ADAMTSL1: variants seen among roughly 807,000 people sequenced by gnomAD.
ADAMTSL1 encodes the protein ADAMTS like 1.
In ADAMTSL1, 126 loss-of-function variants were observed where a neutral mutation model predicts 201.8. That is an observed-to-expected ratio of 0.62 (90% CI 0.54 to 0.72). The LOEUF is 0.72. Ranked by LOEUF, ADAMTSL1 falls within the 30% of genes least tolerant of loss-of-function variation. ADAMTSL1 has a pLI of 0.00. For synonymous variants in ADAMTSL1, 1,121 were observed against 903.4 expected (o/e 1.24, Z -4.32); for missense variants, 2,679 against 2,277.8 (o/e 1.18, Z -3.59).
intron 1 of ADAMTSL1, among the ~76,000 whole-genome samples, chr9:18,038,652 G>A (rs1027073188): frequency 6.6e-6 from 1 of 152,192 alleles, no homozygotes; most frequent in Non-Finnish European, 1.5e-5. Context: ...AAGGGAGGGT[G>A]TGCTGGCTTG....
At chr9:18,828,695 A>ATATATAT (rs59734310) in intron 22 of ADAMTSL1, among the ~76,000 whole-genome samples, 11 of 40,232 alleles carry the variant, frequency 2.7e-4, no homozygotes, top group African/African-American at 5.8e-4. Context: ...TATATATATA[A>ATATATAT]AATGTGTGTG....
chr9:18,006,942 A>G (rs1819852463), intron 1 of ADAMTSL1, among the ~76,000 whole-genome samples: 1 of 152,048 alleles, frequency 6.6e-6, no homozygotes, highest in Admixed American at 6.6e-5. Context: ...TTGCTGGAAC[A>G]GGGCATCATC....
intron 1 of ADAMTSL1, among the ~76,000 whole-genome samples, chr9:17,921,842 A>G (rs1421544874): frequency 2.0e-5 from 3 of 152,042 alleles, no homozygotes; most frequent in Non-Finnish European, 4.4e-5. Flanking sequence ...AGCTCTCTCC[A>G]TCCCTATTTT....
At chr9:18,051,435 G>T (rs540312613) in intron 1 of ADAMTSL1, among the ~76,000 whole-genome samples, 18 of 152,232 alleles carry the variant, frequency 1.2e-4, no homozygotes, top group African/African-American at 4.1e-4. Context: ...TGGAATATTT[G>T]TTGGACATTT....
At chr9:18,577,749 C>T (rs1192544468) in intron 4 of ADAMTSL1, among the ~76,000 whole-genome samples, 1 of 152,054 alleles carries the variant, frequency 6.6e-6, no homozygotes, top group Non-Finnish European at 1.5e-5. Context: ...GATTTTATAA[C>T]TGTAACGTTT....
chr9:17,908,086 G>A (rs898316025), intron 1 of ADAMTSL1, among the ~76,000 whole-genome samples: 3 of 152,092 alleles, frequency 2.0e-5, no homozygotes, highest in East Asian at 3.9e-4. Flanking sequence ...GGCTGAGAGA[G>A]GACCGAGAAT....
intron 1 of ADAMTSL1, among the ~76,000 whole-genome samples, chr9:18,060,071 C>T (rs886970827): frequency 3.9e-5 from 6 of 152,112 alleles, no homozygotes; most frequent in African/African-American, 1.4e-4. Flanking sequence ...TTGGAGTTAA[C>T]CACTGTTGTG....
At chr9:18,449,137 T>G (rs1168484776) in intron 2 of ADAMTSL1, among the ~76,000 whole-genome samples, 1 of 151,888 alleles carries the variant, frequency 6.6e-6, no homozygotes, top group African/African-American at 2.4e-5. Context: ...ATAAAAAGCA[T>G]GAGTTGGGGG....
At chr9:18,355,146 C>G (rs1836157857) in intron 2 of ADAMTSL1, among the ~76,000 whole-genome samples, 2 of 152,124 alleles carry the variant, frequency 1.3e-5, no homozygotes, top group South Asian at 4.1e-4. Flanking sequence ...TCCCTGAATC[C>G]TGCTGTTTCA....
At chr9:18,012,966 C>A (rs1383734514) in intron 1 of ADAMTSL1, among the ~76,000 whole-genome samples, 3 of 151,344 alleles carry the variant, frequency 2.0e-5, no homozygotes, top group Non-Finnish European at 4.4e-5. Context: ...TTTGGGCCTC[C>A]TTCTTACCCA....
intron 2 of ADAMTSL1, among the ~76,000 whole-genome samples, chr9:18,466,115 GT>G (rs1820995425): frequency 6.6e-6 from 1 of 152,166 alleles, no homozygotes; most frequent in South Asian, 2.1e-4. Flanking sequence ...TAAGGAAGAA[GT>G]TTTTCCCCTT....
chr9:18,404,430 C>A (rs752943997), intron 2 of ADAMTSL1, among the ~76,000 whole-genome samples: 6 of 152,192 alleles, frequency 3.9e-5, no homozygotes, highest in Non-Finnish European at 8.8e-5. Flanking sequence ...TTACGCATTT[C>A]TTTCTAACTG....
In ADAMTSL1 at chr9:18,711,350, A is replaced by G. The variant is rs563212358; in HGVS notation, c.1876+4302A>G. On this transcript the variant is annotated intron_variant, in intron 14 of 28. Coordinates refer to ENST00000380548, the MANE Select transcript of ADAMTSL1 (RefSeq NM_001040272.6). ...TCTGAGGTACTGGGTTCATCTCACTAGGGAGTGCCAGACAGTGGGCGCAGG... is the reference window on the plus strand; with the variant it reads ...TCTGAGGTACTGGGTTCATCTCACTGGGGAGTGCCAGACAGTGGGCGCAGG... 2.0e-5 allele frequency among the ~76,000 whole-genome samples: 3 copies of G among 152,298 alleles called. No homozygotes were observed. The South Asian group carries it at 6.2e-4, about 32-fold the overall frequency.
intron 2 of ADAMTSL1, among the ~76,000 whole-genome samples, chr9:18,415,679 A>T (rs796869065): frequency 6.6e-6 from 1 of 152,060 alleles, no homozygotes; most frequent in South Asian, 2.1e-4. Flanking sequence ...GAAAAAAAAA[A>T]TCTACATATT....
intron 15 of ADAMTSL1, among the ~76,000 whole-genome samples, chr9:18,748,127 G>A (rs1235830367): frequency 6.6e-6 from 1 of 152,164 alleles, no homozygotes; most frequent in Admixed American, 6.5e-5. Context: ...TTTGACAAAG[G>A]GGACAGAAAC....
At chr9:17,985,261 C>T (rs1022046394) in intron 1 of ADAMTSL1, among the ~76,000 whole-genome samples, 1 of 152,112 alleles carries the variant, frequency 6.6e-6, no homozygotes, top group African/African-American at 2.4e-5. Flanking sequence ...ACCCTATTCA[C>T]CACAGAATCT....
At chr9:18,298,479 A>C (rs972847752) in intron 2 of ADAMTSL1, among the ~76,000 whole-genome samples, 2 of 152,190 alleles carry the variant, frequency 1.3e-5, no homozygotes, top group African/African-American at 4.8e-5. Context: ...CTAGAAACAT[A>C]ATCTCTGGTC....
chr9:18,641,743 A>C (rs1050620377), intron 7 of ADAMTSL1, among the ~76,000 whole-genome samples: 1 of 151,946 alleles, frequency 6.6e-6, no homozygotes, highest in Non-Finnish European at 1.5e-5. Context: ...TAATGAAACA[A>C]CTTTCTCTTC....
chr9:18,110,142 T>G (rs1824941132), intron 1 of ADAMTSL1, among the ~76,000 whole-genome samples: 3 of 152,206 alleles, frequency 2.0e-5, no homozygotes, highest in Admixed American at 6.5e-5. Context: ...TACTCAGTTT[T>G]CCTCTAATTG....
Sources: gnomAD v4.1 joint callset for allele counts (sites outside exome capture counted in the v4.1 genomes callset) on GRCh38, gnomAD v4.1.1 for gene constraint, MANE v1.5 for transcripts, NCBI Gene and HGNC (gene_info 2026-07-23, HGNC 2026-07-21) for gene names.